Variants in ACER3 observed in about 807,000 individuals in gnomAD.
ACER3 encodes the protein alkCDase 3.
ACER3 carries 16 observed loss-of-function variants against 48.9 expected under a neutral mutation model. The ratio of observed to expected loss-of-function variants is 0.33; its 90% CI spans 0.22 to 0.50. The LOEUF is 0.50. ACER3 is among the 20% of genes least tolerant of loss of function. ACER3 has a pLI of 0.98. For missense variants in ACER3, 227 were observed against 326.0 expected (o/e 0.70, Z 2.34); for synonymous variants, 109 against 107.8 (o/e 1.01, Z -0.07).
chr11:76,861,766 C>T (rs1204704979), intron 1 of ACER3, among the ~76,000 whole-genome samples: 1 of 152,138 alleles, frequency 6.6e-6, no homozygotes, highest in African/African-American at 2.4e-5. Context: ...CTGCCAGGCT[C>T]CCAAGAGCAC....
At chr11:77,001,652 T>C (rs553700335) in intron 7 of ACER3, among the ~76,000 whole-genome samples, 1 of 152,316 alleles carries the variant, frequency 6.6e-6, no homozygotes, top group Admixed American at 6.5e-5. Flanking sequence ...CTTATTGACC[T>C]GACTAGAACT....
intron 2 of ACER3, among the ~76,000 whole-genome samples, chr11:76,933,778 G>T (rs548718938): frequency 1.3e-5 from 2 of 151,672 alleles, no homozygotes; most frequent in African/African-American, 4.8e-5. Context: ...ATCATGGCCC[G>T]TTCTCAATGA....
intron 7 of ACER3, 114 bp from the exon 8 acceptor site, chr11:77,014,902 C>A: frequency 1.5e-6 from 1 of 684,994 alleles, no homozygotes; most frequent in Non-Finnish European, 2.6e-6. Flanking sequence ...CCAGCCTGGG[C>A]AACATAGTGA....
chr11:76,939,020 A>G (rs1278182073), intron 2 of ACER3, among the ~76,000 whole-genome samples: 1 of 152,124 alleles, frequency 6.6e-6, no homozygotes, highest in Admixed American at 6.5e-5. Context: ...CAGTTTGGCC[A>G]AACCAGGACA....
At chr11:76,945,970 G>T (rs988049016) in intron 2 of ACER3, among the ~76,000 whole-genome samples, 1 of 152,182 alleles carries the variant, frequency 6.6e-6, no homozygotes, top group Non-Finnish European at 1.5e-5. Context: ...GTTGGTGGTT[G>T]CAGCCGAGTA....
At chr11:76,864,819 C>T (rs11236984) in intron 1 of ACER3, among the ~76,000 whole-genome samples, 15,895 of 138,326 alleles carry the variant, frequency 0.11, 1,040 homozygotes, top group East Asian at 0.36. Context: ...AGGCTGGTCT[C>T]GAACTCCTGA....
At chr11:76,966,824 G>A (rs1591004757) in intron 3 of ACER3, among the ~76,000 whole-genome samples, 1 of 150,988 alleles carries the variant, frequency 6.6e-6, no homozygotes, top group Admixed American at 6.6e-5. Context: ...AGAGGGAAAT[G>A]TATAGCACTA....
intron 2 of ACER3, among the ~76,000 whole-genome samples, chr11:76,934,147 G>A (rs1322673864): frequency 6.0e-5 from 9 of 150,930 alleles, no homozygotes; most frequent in Middle Eastern, 3.2e-3. Context: ...GGGCAGAGAC[G>A]CTCCTCACTT....
intron 3 of ACER3, among the ~76,000 whole-genome samples, chr11:76,969,298 C>G (rs975033472): frequency 1.4e-4 from 21 of 152,158 alleles, no homozygotes; most frequent in Non-Finnish European, 2.2e-4. Flanking sequence ...GGAAACAACA[C>G]GTGCTGGAGA....
At chr11:76,936,752 C>G (rs1947198259) in intron 2 of ACER3, among the ~76,000 whole-genome samples, 1 of 147,688 alleles carries the variant, frequency 6.8e-6, no homozygotes, top group South Asian at 2.1e-4. Context: ...GAGTCTCGCT[C>G]TGTCGCCCAG....
In ACER3 at chr11:76,975,647, A is replaced by G. The variant is rs116470513; in HGVS notation, c.268-642A>G. Among the ~76,000 whole-genome samples the G allele has an allele frequency of 7.8e-3, 1,184 of 152,204 alleles. 7 individuals are homozygous for G. The highest frequency in any genetic ancestry group is 0.027 in the African/African-American group (1,112 of 41,534). ...GGACATCATTTTTTTCTGGAGGTAC[A>G]ATATCATAGTTTGTAATACCAGATG... On this transcript the variant is annotated intron_variant, in intron 3 of 10. Transcript: ENST00000532485.
intron 2 of ACER3, among the ~76,000 whole-genome samples, chr11:76,931,080 T>C (rs1408769330): frequency 1.4e-5 from 2 of 142,168 alleles, no homozygotes; most frequent in East Asian, 3.9e-4. Context: ...AAGTCTCCCA[T>C]TATTATTGTG....
chr11:76,985,239 G>C (rs1948663797), intron 4 of ACER3, among the ~76,000 whole-genome samples: 1 of 152,114 alleles, frequency 6.6e-6, no homozygotes. Context: ...GAGTAGCTGG[G>C]ACTACAGGTG....
intron 2 of ACER3, among the ~76,000 whole-genome samples, chr11:76,939,455 G>A (rs1947282328): frequency 6.6e-6 from 1 of 152,162 alleles, no homozygotes; most frequent in Non-Finnish European, 1.5e-5. Flanking sequence ...AATTAGACAG[G>A]CATGGTGGTG....
chr11:76,872,451 T>G (rs185973647), intron 1 of ACER3, among the ~76,000 whole-genome samples: 52 of 152,294 alleles, frequency 3.4e-4, no homozygotes, highest in African/African-American at 1.3e-3. Context: ...ACCACTTTTT[T>G]AGACCCCAGT....
At chr11:76,932,843 G>T (rs1947046076) in intron 2 of ACER3, among the ~76,000 whole-genome samples, 2 of 151,894 alleles carry the variant, frequency 1.3e-5, no homozygotes, top group Non-Finnish European at 2.9e-5. Context: ...GAGAAGAGAG[G>T]ACTCAAGGGC....
At chr11:76,869,139 T>C (rs183623723) in intron 1 of ACER3, among the ~76,000 whole-genome samples, 58 of 152,328 alleles carry the variant, frequency 3.8e-4, no homozygotes, top group African/African-American at 1.3e-3. Context: ...GCCCTCAACC[T>C]GTAGGAGCTG....
intron 2 of ACER3, among the ~76,000 whole-genome samples, chr11:76,951,363 T>TG: frequency 6.6e-6 from 1 of 152,336 alleles, no homozygotes; most frequent in East Asian, 1.9e-4. Flanking sequence ...TCCCTTGAAG[T>TG]GGATATAGTC....
chr11:76,891,621 C>T (rs938810), intron 1 of ACER3, among the ~76,000 whole-genome samples: 86,843 of 152,094 alleles, frequency 0.57, 28,004 homozygotes, highest in Non-Finnish European at 0.74. Flanking sequence ...AAGGTCTAGA[C>T]TTGTTACTGA....
Sources: allele counts gnomAD v4.1 joint callset (sites outside exome capture counted in the v4.1 genomes callset), GRCh38; gene constraint gnomAD v4.1.1; transcripts MANE v1.5; gene names NCBI Gene and HGNC (gene_info 2026-07-23, HGNC 2026-07-21).